The following AKAP12 variants were observed in gnomAD, a reference collection of about 807,000 sequenced individuals.
AKAP12 encodes A-kinase anchor protein 12.
AKAP12 carries 32 observed loss-of-function variants against 79.9 expected under a neutral mutation model. That is an observed-to-expected ratio of 0.40 (90% CI 0.30 to 0.54). The LOEUF is 0.54. Among genes scored for constraint, AKAP12 ranks in the 20% least tolerant of loss-of-function variants. The pLI is 0.48. For missense variants in AKAP12, 2,074 were observed against 2,177.0 expected, an observed-to-expected ratio of 0.95 and a Z score of 0.94; for synonymous variants, 808 against 857.0, an observed-to-expected ratio of 0.94 and a Z score of 1.00.
chr6:151,289,553 T>C (rs958315177), intron 2 of AKAP12, among the ~76,000 whole-genome samples: 1 of 152,238 alleles, frequency 6.6e-6, no homozygotes, highest in African/African-American at 2.4e-5. Flanking sequence ...TAGTCACTTC[T>C]TAAGAAACAC....
At chr6:151,278,168 A>G (rs1466250154) in intron 2 of AKAP12, among the ~76,000 whole-genome samples, 3 of 152,150 alleles carry the variant, frequency 2.0e-5, no homozygotes, top group Non-Finnish European at 4.4e-5. Context: ...ATGGATTTAC[A>G]ATGAAGGGGA....
intron 2 of AKAP12, among the ~76,000 whole-genome samples, chr6:151,267,030 A>AG (rs1441583226): frequency 1.3e-5 from 2 of 151,312 alleles, no homozygotes; most frequent in East Asian, 3.9e-4. Flanking sequence ...AAAAAAAAAA[A>AG]AAAAAAAAAA....
At chr6:151,247,082 C>T (rs111749242) in intron 2 of AKAP12, among the ~76,000 whole-genome samples, 5,278 of 152,106 alleles carry the variant, frequency 0.035, 312 homozygotes, top group African/African-American at 0.12. Context: ...TGTGAGCCCC[C>T]ATGCCCTGCC....
At chr6:151,276,169 A>C (rs1776288517) in intron 2 of AKAP12, among the ~76,000 whole-genome samples, 1 of 152,220 alleles carries the variant, frequency 6.6e-6, no homozygotes, top group East Asian at 1.9e-4. Context: ...TGTAGAACAA[A>C]AAATCTTGTA....
At chr6:151,345,920 TGTGTGTGTGTGTGAGAGAGA>T (rs1188087677) in intron 3 of AKAP12, among the ~76,000 whole-genome samples, 1 of 134,152 alleles carries the variant, frequency 7.5e-6, no homozygotes, top group East Asian at 2.1e-4. Context: ...TGTGTGTGTG[TGTGTGTGTGTGTGAGAGAGA>T]GAGAGAGAGA....
At chr6:151,276,748 C>G (rs1348553570) in intron 2 of AKAP12, among the ~76,000 whole-genome samples, 2 of 152,222 alleles carry the variant, frequency 1.3e-5, no homozygotes, top group African/African-American at 2.4e-5. Context: ...CCTGTTCCCC[C>G]TAGCAAGTCA....
chr6:151,349,946 CT>C lies in AKAP12; in HGVS notation c.1560del (p.Phe520LeufsTer6), dbSNP rs1429541766. The C allele has an allele frequency of 6.2e-7, 1 of 1,614,014 alleles. No individual in the cohort carries two copies. The highest frequency in any genetic ancestry group is 8.5e-7 in the Non-Finnish European group (1 of 1,180,006). ...MKVQGSPLKK[L>X]FTSTGLKKLS... ...GGTGCAGGGAAGTCCACTAAAGAAG[CT>C]TTTTACCAGCACTGGCTTAAAAAAG... is the stretch of plus-strand genomic sequence containing the variant. On this transcript the variant is annotated frameshift_variant, in exon 4 of 5. Coordinates refer to ENST00000402676, the MANE Select transcript of AKAP12 (RefSeq NM_005100.4). LOFTEE classifies it high-confidence loss of function.
chr6:151,312,128 T>C (rs1777119131), intron 3 of AKAP12, among the ~76,000 whole-genome samples: 1 of 152,232 alleles, frequency 6.6e-6, no homozygotes, highest in Admixed American at 6.5e-5. Flanking sequence ...ACACCAGTTG[T>C]TAACATCTGG....
intron 2 of AKAP12, among the ~76,000 whole-genome samples, chr6:151,302,780 T>A (rs568313481): frequency 3.9e-4 from 60 of 152,308 alleles, no homozygotes; most frequent in Middle Eastern, 3.4e-3. Flanking sequence ...AGGTTTAAGA[T>A]TCACTGGGTT....
At chr6:151,312,809 A>AAAAAAAAG (rs1248913264) in intron 3 of AKAP12, among the ~76,000 whole-genome samples, 4 of 151,232 alleles carry the variant, frequency 2.6e-5, no homozygotes, top group African/African-American at 9.7e-5. Flanking sequence ...AAAAAAAAAA[A>AAAAAAAAG]AAGAATCATG....
At chr6:151,337,803 T>G (rs1315817353) in intron 3 of AKAP12, among the ~76,000 whole-genome samples, 1 of 152,118 alleles carries the variant, frequency 6.6e-6, no homozygotes, top group African/African-American at 2.4e-5. Flanking sequence ...CCCAGCACTT[T>G]GGGAGACTGA....
chr6:151,316,797 AT>A (rs1438589782), intron 3 of AKAP12, among the ~76,000 whole-genome samples: 3 of 151,822 alleles, frequency 2.0e-5, no homozygotes, highest in African/African-American at 7.3e-5. Context: ...CACCTGGCTA[AT>A]TTTTGTATTT....
At chr6:151,292,016 G>A (rs1465448182) in intron 2 of AKAP12, among the ~76,000 whole-genome samples, 1 of 152,226 alleles carries the variant, frequency 6.6e-6, no homozygotes, top group Non-Finnish European at 1.5e-5. Flanking sequence ...CAATTGAAAA[G>A]CAGTTTAGAA....
intron 3 of AKAP12, among the ~76,000 whole-genome samples, chr6:151,320,241 C>T (rs1212073305): frequency 6.6e-6 from 1 of 151,990 alleles, no homozygotes; most frequent in Non-Finnish European, 1.5e-5. Context: ...AGACTGCCCA[C>T]TCCGAGGCCT....
chr6:151,245,317 GA>G lies in AKAP12; in HGVS notation c.162+4605del, dbSNP rs67833026. Reference sequence around the variant, plus strand: ...AATTAAGCCAGTACGTTTATCTCTTGAAAAAAAAAAAAGCAACTAAATTTCC... The same window carrying G: ...AATTAAGCCAGTACGTTTATCTCTTGAAAAAAAAAAAGCAACTAAATTTCC... On this transcript the variant is annotated intron_variant, in intron 2 of 4. Coordinates refer to ENST00000402676, the MANE Select transcript of AKAP12 (RefSeq NM_005100.4). Among the ~76,000 whole-genome samples the G allele has an allele frequency of 2.9e-3, 420 of 142,856 alleles. 3 individuals are homozygous for G. The highest frequency in any genetic ancestry group is 8.8e-3 in the African/African-American group (338 of 38,476). The allele number at this position is 142,856 out of a possible 152,430, so 93.7% of individuals were successfully genotyped here.
chr6:151,280,692 G>C (rs1389917863), intron 2 of AKAP12: 4 of 125,566 alleles, frequency 3.2e-5, no homozygotes, highest in Non-Finnish European at 6.7e-5. Context: ...TGTTGCCCAG[G>C]CTGGAGGGAC....
chr6:151,293,571 G>T (rs1776663441), intron 2 of AKAP12, among the ~76,000 whole-genome samples: 1 of 152,152 alleles, frequency 6.6e-6, no homozygotes, highest in Admixed American at 6.6e-5. Flanking sequence ...CACGATGCAG[G>T]TCATGACACT....
intron 2 of AKAP12, among the ~76,000 whole-genome samples, chr6:151,254,018 G>A (rs147943660): frequency 6.6e-6 from 1 of 152,088 alleles, no homozygotes; most frequent in Non-Finnish European, 1.5e-5. Context: ...CAGAAATGAC[G>A]TATTTATCCA....
At chr6:151,240,855 G>T in intron 2 of AKAP12, 131 bp downstream of exon 2, 1 of 879,224 alleles carries the variant, frequency 1.1e-6, no homozygotes, top group Non-Finnish European at 1.5e-6. Context: ...AAACTCAGGA[G>T]TGCGAACCCC....
Sources: allele counts gnomAD v4.1 joint callset (sites outside exome capture counted in the v4.1 genomes callset), GRCh38; gene constraint gnomAD v4.1.1; transcripts MANE v1.5; gene names NCBI Gene and HGNC (gene_info 2026-07-23, HGNC 2026-07-21).